ADAMTSL1: variants seen among roughly 807,000 people sequenced by gnomAD.
ADAMTSL1 encodes the protein ADAMTS-like protein 1.
A neutral mutation model predicts 201.8 loss-of-function variants in ADAMTSL1; 126 were observed. That is an observed-to-expected ratio of 0.62 (90% CI 0.54 to 0.72). The LOEUF is 0.72. ADAMTSL1 is among the 30% of genes least tolerant of loss of function. ADAMTSL1 has a pLI of 0.00. For missense variants in ADAMTSL1, 2,679 were observed against 2,277.8 expected (o/e 1.18, Z -3.59); for synonymous variants, 1,121 against 903.4 (o/e 1.24, Z -4.32).
rs191197141 is a variant in ADAMTSL1 at position 18,280,504 on chromosome 9, A to G, written c.207+116523A>G. On this transcript the variant is annotated intron_variant, in intron 2 of 29. Transcript: ENST00000680146. ...TTTGGCAAGAATTGCCATTTGAACA[A>G]CATTGAGTCTTCCACTTTGTGAACA... Among the ~76,000 whole-genome samples, 484 of 152,264 alleles carry G rather than the reference A, an allele frequency of 3.2e-3. 1 individual carries two copies. The highest frequency in any genetic ancestry group is 0.011 in the African/African-American group (439 of 41,566).
intron 1 of ADAMTSL1, among the ~76,000 whole-genome samples, chr9:17,954,775 A>T (rs527666228): frequency 1.3e-5 from 2 of 152,204 alleles, no homozygotes; most frequent in Non-Finnish European, 2.9e-5. Context: ...GGGAAAAAAA[A>T]TTAAACACAG....
At chr9:18,698,693 T>C (rs1318554104) in intron 13 of ADAMTSL1, among the ~76,000 whole-genome samples, 1 of 152,174 alleles carries the variant, frequency 6.6e-6, no homozygotes, top group Non-Finnish European at 1.5e-5. Context: ...TTTGGTGTCA[T>C]GTAATTCAAG....
intron 2 of ADAMTSL1, among the ~76,000 whole-genome samples, chr9:18,407,979 A>T (rs1818276089): frequency 6.6e-6 from 1 of 152,194 alleles, no homozygotes. Context: ...CATTTTTTTA[A>T]AATTTACATA....
Position 18,363,379 on chromosome 9 carries a change from A to G in ADAMTSL1, c.208-141450A>G, listed in dbSNP as rs1411153. ...TCTCATTTGCCTATTATAAGCCGAC[A>G]AGCGTATACAGGATTTAATTAATTC... On this transcript the variant is annotated intron_variant, in intron 2 of 29. Coordinates refer to the ADAMTSL1 transcript ENST00000680146. Among the ~76,000 whole-genome samples, 10 of 152,284 alleles carry G rather than the reference A, an allele frequency of 6.6e-5. No individual in the cohort carries two copies. In the South Asian group the frequency reaches 2.1e-3, roughly 32 times the overall value.
At chr9:18,313,574 C>A (rs917206130) in intron 2 of ADAMTSL1, among the ~76,000 whole-genome samples, 1 of 152,158 alleles carries the variant, frequency 6.6e-6, no homozygotes, top group African/African-American at 2.4e-5. Context: ...AAAGGATAGT[C>A]TTTCCAACAG....
intron 25 of ADAMTSL1, among the ~76,000 whole-genome samples, chr9:18,891,110 G>C (rs1442116026): frequency 1.0e-4 from 14 of 136,094 alleles, no homozygotes; most frequent in Admixed American, 8.8e-4. Context: ...TCACAGTCCA[G>C]ATTTAGGAGG....
intron 1 of ADAMTSL1, among the ~76,000 whole-genome samples, chr9:18,047,151 G>A (rs886944406): frequency 1.4e-4 from 21 of 151,796 alleles, no homozygotes; most frequent in Non-Finnish European, 2.4e-4. Flanking sequence ...GAAAGAAGAT[G>A]GAAACTACAC....
At chr9:18,549,233 A>G (rs1820651589) in intron 3 of ADAMTSL1, among the ~76,000 whole-genome samples, 1 of 152,064 alleles carries the variant, frequency 6.6e-6, no homozygotes, top group South Asian at 2.1e-4. Flanking sequence ...TACCAGAGAA[A>G]AGACAGAGTA....
At chr9:18,750,478 T>A (rs937729047) in intron 15 of ADAMTSL1, among the ~76,000 whole-genome samples, 8 of 152,250 alleles carry the variant, frequency 5.3e-5, no homozygotes, top group Non-Finnish European at 1.0e-4. Flanking sequence ...TTGCTTTATA[T>A]AATCTTGTGT....
intron 1 of ADAMTSL1, among the ~76,000 whole-genome samples, chr9:17,940,709 G>A (rs73646035): frequency 0.37 from 23,798 of 65,176 alleles, 2,519 homozygotes; most frequent in Admixed American, 0.39. Flanking sequence ...TGTGCATAAC[G>A]TGCAAAAAAA....
intron 4 of ADAMTSL1, among the ~76,000 whole-genome samples, chr9:18,589,351 G>C (rs1228343025): frequency 6.6e-6 from 1 of 151,922 alleles, no homozygotes; most frequent in Admixed American, 6.6e-5. Context: ...AAATGGGATT[G>C]CTTTCTTGAT....
chr9:18,717,300 G>T (rs1406379903), intron 14 of ADAMTSL1, among the ~76,000 whole-genome samples: 2 of 149,420 alleles, frequency 1.3e-5, no homozygotes, highest in African/African-American at 4.9e-5. Context: ...AAAAAATAAA[G>T]AAATTTGAAA....
chr9:18,760,577 T>C (rs1820019152), intron 16 of ADAMTSL1, among the ~76,000 whole-genome samples: 1 of 152,256 alleles, frequency 6.6e-6, no homozygotes, highest in African/African-American at 2.4e-5. Context: ...TACTGGCCTA[T>C]GCTGCCTGAG....
chr9:18,763,278 A>G (rs1242233791), intron 16 of ADAMTSL1, among the ~76,000 whole-genome samples: 1 of 152,136 alleles, frequency 6.6e-6, no homozygotes, highest in Non-Finnish European at 1.5e-5. Context: ...GCACCTTTTC[A>G]TATACCTGTT....
At chr9:18,104,647 C>T (rs1450658050) in intron 1 of ADAMTSL1, among the ~76,000 whole-genome samples, 1 of 152,142 alleles carries the variant, frequency 6.6e-6, no homozygotes, top group Non-Finnish European at 1.5e-5. Flanking sequence ...TCAATATACA[C>T]TCTTCAGGTG....
At chr9:18,897,687 C>T (rs755136289) in intron 26 of ADAMTSL1, among the ~76,000 whole-genome samples, 3 of 152,186 alleles carry the variant, frequency 2.0e-5, no homozygotes, top group South Asian at 4.1e-4. Flanking sequence ...AAAGACCCCA[C>T]AAAATCTCCA....
chr9:18,035,621 G>T (rs1821161760), intron 1 of ADAMTSL1, among the ~76,000 whole-genome samples: 1 of 151,966 alleles, frequency 6.6e-6, no homozygotes, highest in Admixed American at 6.6e-5. Flanking sequence ...TATTTTCCCT[G>T]GGCACTCCTA....
chr9:18,314,499 TGTCTGGAGTTGTTTGTTCCTCCA>T (rs1834283417), intron 2 of ADAMTSL1, among the ~76,000 whole-genome samples: 1 of 151,924 alleles, frequency 6.6e-6, no homozygotes, highest in Admixed American at 6.6e-5. Flanking sequence ...TAAGGCGGTG[TGTCTGGAGTTGTTTGTTCCTCCA>T]GTCCAGAGTT....
chr9:18,627,617 A>C (rs181436927), intron 5 of ADAMTSL1, among the ~76,000 whole-genome samples: 8 of 152,274 alleles, frequency 5.3e-5, no homozygotes, highest in Middle Eastern at 3.4e-3. Flanking sequence ...TGGCATCTTC[A>C]AAGTCAGTAG....
Sources: allele counts gnomAD v4.1 joint callset (sites outside exome capture counted in the v4.1 genomes callset), GRCh38; gene constraint gnomAD v4.1.1; transcripts MANE v1.5; gene names NCBI Gene and HGNC (gene_info 2026-07-23, HGNC 2026-07-21).